SH2D4A: variants seen among roughly 807,000 people sequenced by gnomAD.
SH2D4A encodes the protein SH2 domain containing 4A, also known as SH2 domain-containing protein 4A.
In SH2D4A, 70 loss-of-function variants were observed where a neutral mutation model predicts 64.7. That is an observed-to-expected ratio of 1.08 (90% CI 0.89 to 1.32). The LOEUF is 1.32. SH2D4A is among the 40% of genes most tolerant of loss of function. The pLI is 0.00. For missense variants in SH2D4A, 706 were observed against 540.1 expected, an observed-to-expected ratio of 1.31 and a Z score of -3.04; for synonymous variants, 268 against 200.7, an observed-to-expected ratio of 1.34 and a Z score of -2.83.
chr8:19,373,489 A>G, intron 7 of SH2D4A, 41 bp from the exon 8 acceptor site: 3 of 1,491,938 alleles, frequency 2.0e-6, no homozygotes, highest in Non-Finnish European at 2.7e-6. Context: ...ATTATTTTCA[A>G]ATTAGTTAAA....
chr8:19,377,861 G>A (rs570579075), intron 8 of SH2D4A, among the ~76,000 whole-genome samples: 2 of 152,186 alleles, frequency 1.3e-5, no homozygotes, highest in Admixed American at 6.5e-5. Context: ...TAGGATATGT[G>A]CATCTTTAGT....
In SH2D4A at chr8:19,392,728, T is replaced by C. The variant is rs924370747; in HGVS notation, c.1049-590T>C. Among the ~76,000 whole-genome samples the C allele has an allele frequency of 4.6e-5, 7 of 152,012 alleles. No individual in the cohort carries two copies. In the East Asian group the frequency reaches 1.4e-3, roughly 29 times the overall value. ...CTAAATGGGTGTATAAGTAGAAATATATTCCTTTTTTTTTTGTTTTGTTTT... is the reference window on the plus strand; with the variant it reads ...CTAAATGGGTGTATAAGTAGAAATACATTCCTTTTTTTTTTGTTTTGTTTT... On this transcript the variant is annotated intron_variant, in intron 8 of 9. Coordinates refer to ENST00000265807, the MANE Select transcript of SH2D4A (RefSeq NM_022071.4).
intron 4 of SH2D4A, among the ~76,000 whole-genome samples, chr8:19,342,870 G>A (rs1185309278): frequency 2.0e-5 from 3 of 152,194 alleles, no homozygotes; most frequent in Middle Eastern, 3.4e-3. Flanking sequence ...AAAGAGGAGG[G>A]AGTCAGGGAA....
chr8:19,326,974 C>T (rs951894610), intron 2 of SH2D4A, among the ~76,000 whole-genome samples: 2 of 152,210 alleles, frequency 1.3e-5, no homozygotes, highest in African/African-American at 4.8e-5. Flanking sequence ...CAATCTAGGA[C>T]TGGACCAAGC....
intron 8 of SH2D4A, among the ~76,000 whole-genome samples, chr8:19,385,641 C>T (rs767469177): frequency 2.6e-5 from 4 of 152,182 alleles, no homozygotes; most frequent in African/African-American, 9.7e-5. Context: ...GTGTCCCACT[C>T]CTCCCAACTT....
At chr8:19,354,481 C>G (rs2052758157) in intron 4 of SH2D4A, among the ~76,000 whole-genome samples, 2 of 152,190 alleles carry the variant, frequency 1.3e-5, no homozygotes, top group South Asian at 4.1e-4. Context: ...CTTCCATGCA[C>G]ACTGTCTGGA....
chr8:19,383,635 T>C (rs894828591), intron 8 of SH2D4A, among the ~76,000 whole-genome samples: 3 of 151,018 alleles, frequency 2.0e-5, no homozygotes, highest in Non-Finnish European at 3.0e-5. Context: ...AGGTTTACTA[T>C]TTTTTTTTGT....
At chr8:19,371,185 A>G (rs964999941) in intron 7 of SH2D4A, among the ~76,000 whole-genome samples, 1 of 152,184 alleles carries the variant, frequency 6.6e-6, no homozygotes, top group African/African-American at 2.4e-5. Context: ...TGATAGTATT[A>G]TAACAAAAAT....
intron 8 of SH2D4A, among the ~76,000 whole-genome samples, chr8:19,385,212 TG>T (rs1219187031): frequency 3.6e-5 from 5 of 140,240 alleles, no homozygotes; most frequent in Admixed American, 1.4e-4. Context: ...GCTGTTTTTT[TG>T]TTTTTTTTTT....
intron 7 of SH2D4A, among the ~76,000 whole-genome samples, chr8:19,367,159 A>T (rs2053011658): frequency 6.6e-6 from 1 of 152,108 alleles, no homozygotes; most frequent in South Asian, 2.1e-4. Context: ...TCATTGTTGG[A>T]CAACTAGGTT....
At chr8:19,382,409 A>G (rs1424838975) in intron 8 of SH2D4A, among the ~76,000 whole-genome samples, 1 of 152,198 alleles carries the variant, frequency 6.6e-6, no homozygotes, top group Non-Finnish European at 1.5e-5. Flanking sequence ...CGTGATACAC[A>G]TTCCGTAAAA....
rs2053285646 is a variant in SH2D4A at position 19,381,104 on chromosome 8, C to T, written c.1048+7444C>T. ...TTGCCTAGGCTGGAATGCTGAAGTG[C>T]AGTGGTATGATCTTTGCTCACTGCA... On this transcript the variant is annotated intron_variant, in intron 8 of 9. Coordinates refer to ENST00000265807, the MANE Select transcript of SH2D4A (RefSeq NM_022071.4). Among the ~76,000 whole-genome samples the T allele has an allele frequency of 4.0e-5, 6 of 151,362 alleles. No individual in the cohort carries two copies. In the South Asian group the frequency reaches 1.2e-3, roughly 32 times the overall value.
At position 19,361,078 on chromosome 8, in the gene SH2D4A, A is replaced by G. The variant is rs2052876589; in HGVS notation, c.595-125A>G. 5.5e-6 allele frequency: 3 copies of G among 541,642 alleles called. No individual in the cohort carries two copies. In the African/African-American group the frequency reaches 5.9e-5, roughly 11 times the overall value. The allele number at this position is 541,642 out of a possible 1,614,324, so 33.6% of individuals were successfully genotyped here. ...CACACTTGATCCTTCCTAGTGGGCC[A>G]GAGAGTTAGATAGAAGTCAGCTGTG... On this transcript the variant is annotated intron_variant, in intron 5 of 9. Coordinates refer to ENST00000265807, the MANE Select transcript of SH2D4A (RefSeq NM_022071.4).
intron 8 of SH2D4A, among the ~76,000 whole-genome samples, chr8:19,392,942 C>T (rs796604902): frequency 5.3e-5 from 8 of 152,116 alleles, no homozygotes; most frequent in African/African-American, 1.4e-4. Context: ...GGGGTTTCAC[C>T]GTATTAGTCA....
chr8:19,382,820 A>ATTT (rs2053318237), intron 8 of SH2D4A, among the ~76,000 whole-genome samples: 1 of 85,906 alleles, frequency 1.2e-5, no homozygotes, highest in African/African-American at 4.3e-5. Context: ...TGCTTTTAAG[A>ATTT]TTCTTTTTTT....
intron 6 of SH2D4A, among the ~76,000 whole-genome samples, chr8:19,362,173 A>G (rs1006448245): frequency 2.0e-5 from 3 of 152,164 alleles, no homozygotes; most frequent in African/African-American, 4.8e-5. Flanking sequence ...ATTACAACCA[A>G]TGCCATTTAA....
intron 4 of SH2D4A, 119 bp downstream of exon 4, chr8:19,334,976 A>G (rs2052421872): frequency 9.9e-6 from 12 of 1,208,844 alleles, no homozygotes; most frequent in Non-Finnish European, 7.9e-6. Context: ...CTTGGGAGAA[A>G]TGCCTCCTAA....
intron 2 of SH2D4A, among the ~76,000 whole-genome samples, chr8:19,331,957 C>G (rs979676186): frequency 6.6e-6 from 1 of 152,062 alleles, no homozygotes; most frequent in Non-Finnish European, 1.5e-5. Flanking sequence ...AGTTTGAGAC[C>G]AGCCTGGGCA....
In SH2D4A at chr8:19,357,223, A is replaced by G. The variant is rs2052806982; in HGVS notation, c.534A>G (p.Arg178=). 1.9e-6 allele frequency: 3 copies of G among 1,613,778 alleles called. No individual in the cohort carries two copies. Among genetic ancestry groups the G allele is most frequent in the African/African-American group, 1.3e-5 (1 of 74,942 alleles). ...TTTAGTCACTCTCCAGTTCTTCAAG[A>G]AATATTCAACAAATGTTGGCAGATT... ...EKIRSLSSSS[R]NIQQMLADSI... is the part of the protein sequence containing the mutation. Residue 178 remains arginine (R), a synonymous_variant, in exon 5 of 10, where the codon AGA becomes AGG. Transcript: ENST00000265807.
Sources: allele counts gnomAD v4.1 joint callset (sites outside exome capture counted in the v4.1 genomes callset), GRCh38; gene constraint gnomAD v4.1.1; transcripts MANE v1.5; gene names NCBI Gene and HGNC (gene_info 2026-07-23, HGNC 2026-07-21).